Variants in SYTL3 observed in about 807,000 individuals in gnomAD.
SYTL3 encodes synaptotagmin like 3, also known as synaptotagmin-like protein 3.
Under a neutral mutation model 82.1 loss-of-function variants are expected in SYTL3, and 88 were observed. The observed-to-expected ratio is 1.07, with a 90% CI of 0.90 to 1.28. The LOEUF (loss-of-function observed/expected upper bound fraction) is 1.28. SYTL3 is among the 50% of genes most tolerant of loss of function. SYTL3 has a pLI of 0.00. For synonymous variants in SYTL3, 311 were observed against 289.4 expected (o/e 1.07, Z -0.76); for missense variants, 831 against 757.6 (o/e 1.10, Z -1.14).
intron 14 of SYTL3, among the ~76,000 whole-genome samples, chr6:158,759,183 C>T (rs1289860360): frequency 6.6e-6 from 1 of 152,174 alleles, no homozygotes; most frequent in Non-Finnish European, 1.5e-5. Flanking sequence ...CCTGCTCTGG[C>T]AAGTGGGTGA....
chr6:158,684,502 A>T (rs1438830988), intron 6 of SYTL3, among the ~76,000 whole-genome samples: 3 of 152,138 alleles, frequency 2.0e-5, no homozygotes, highest in Non-Finnish European at 4.4e-5. Flanking sequence ...GTCACGGTGG[A>T]GTGCAGGCAG....
intron 13 of SYTL3, among the ~76,000 whole-genome samples, chr6:158,756,767 A>G (rs1226854113): frequency 4.2e-5 from 2 of 47,422 alleles, no homozygotes; most frequent in African/African-American, 8.6e-5. Context: ...TGGGCCTGTT[A>G]TCATTATTTT....
intron 2 of SYTL3, among the ~76,000 whole-genome samples, chr6:158,653,346 A>G (rs986552511): frequency 1.3e-5 from 2 of 152,064 alleles, no homozygotes; most frequent in Non-Finnish European, 2.9e-5. Flanking sequence ...GTCTCTACTA[A>G]AAATACAAAA....
At chr6:158,761,464 G>T (rs1383005991) in intron 15 of SYTL3, among the ~76,000 whole-genome samples, 2 of 151,658 alleles carry the variant, frequency 1.3e-5, no homozygotes, top group Non-Finnish European at 2.9e-5. Flanking sequence ...CACCATGCCC[G>T]GCTAATTTTT....
At chr6:158,757,470 C>T in intron 14 of SYTL3, 89 bp downstream of exon 14, 1 of 1,412,020 alleles carries the variant, frequency 7.1e-7, no homozygotes, top group South Asian at 1.3e-5. Flanking sequence ...GAAAACGTAC[C>T]TGGCAAGACT....
intron 4 of SYTL3, chr6:158,663,643 C>A: frequency 1.0e-6 from 1 of 977,758 alleles, no homozygotes; most frequent in Non-Finnish European, 1.2e-6. Flanking sequence ...TGCTGTCTGC[C>A]ATCTGCTTGT....
intron 2 of SYTL3, among the ~76,000 whole-genome samples, chr6:158,654,503 C>A (rs142778154): frequency 1.5e-4 from 23 of 152,296 alleles, no homozygotes; most frequent in Middle Eastern, 3.4e-3. Flanking sequence ...TGGCTGCCCG[C>A]GTCCCTCCCA....
intron 5 of SYTL3, among the ~76,000 whole-genome samples, chr6:158,675,911 C>T (rs1376323062): frequency 6.6e-6 from 1 of 152,174 alleles, no homozygotes; most frequent in African/African-American, 2.4e-5. Context: ...GATGGCACCA[C>T]TGCACCCCAG....
rs547704788 is a variant in SYTL3, at chr6:158,735,807, C to T, written c.856-9673C>T. ...GTAAATTTTAAAAATAATAGAGCTC[C>T]GTGTTGGTAAGGTGTAGGGTAGCAG... On this transcript the variant is annotated intron_variant, in intron 11 of 17. Coordinates refer to ENST00000611299, the MANE Select transcript of SYTL3 (RefSeq NM_001242394.2). 5.3e-5 allele frequency among the ~76,000 whole-genome samples: 8 copies of T among 152,212 alleles called. No individual in the cohort carries two copies. In the East Asian group the frequency reaches 7.7e-4, roughly 15 times the overall value.
At chr6:158,762,576 T>C (rs552400805) in intron 16 of SYTL3, among the ~76,000 whole-genome samples, 1 of 152,284 alleles carries the variant, frequency 6.6e-6, no homozygotes, top group African/African-American at 2.4e-5. Context: ...CATTATTACA[T>C]TGAATTGCAA....
chr6:158,678,700 A>G (rs1312317609), intron 5 of SYTL3, among the ~76,000 whole-genome samples: 1 of 152,174 alleles, frequency 6.6e-6, no homozygotes, highest in Admixed American at 6.5e-5. Context: ...TGGCATTTGT[A>G]ATTCTAGTGA....
chr6:158,735,210 T>G (rs1465702478), intron 11 of SYTL3, among the ~76,000 whole-genome samples: 2 of 152,160 alleles, frequency 1.3e-5, no homozygotes, highest in Admixed American at 1.3e-4. Context: ...CCTTTGCTGC[T>G]TAGGGACTTT....
chr6:158,651,416 C>G (rs552415439), intron 1 of SYTL3, among the ~76,000 whole-genome samples: 1 of 151,946 alleles, frequency 6.6e-6, no homozygotes, highest in East Asian at 1.9e-4. Flanking sequence ...CATGGTGAAA[C>G]TCTACTAAAA....
intron 11 of SYTL3, among the ~76,000 whole-genome samples, chr6:158,739,576 C>G (rs1786659310): frequency 6.6e-6 from 1 of 152,028 alleles, no homozygotes; most frequent in South Asian, 2.1e-4. Flanking sequence ...CTCTATCTCT[C>G]TCTCTCTGTC....
intron 12 of SYTL3, among the ~76,000 whole-genome samples, chr6:158,748,907 A>T (rs139732313): frequency 6.1e-4 from 92 of 151,744 alleles, no homozygotes; most frequent in African/African-American, 2.0e-3. Flanking sequence ...AGACAACATG[A>T]CAGCACTTGC....
chr6:158,664,949 G>A (rs16900918), intron 4 of SYTL3, among the ~76,000 whole-genome samples: 28,698 of 151,688 alleles, frequency 0.19, 2,792 homozygotes, highest in African/African-American at 0.25. Context: ...TGATTTTATT[G>A]GGCAACTTAT....
rs1046665133 is a variant in SYTL3 at position 158,708,371 on chromosome 6, T to G, written c.496T>G (p.Cys166Gly). ...PTPPPVSESQCSRSPGRLQEF... is the reference protein window; with the variant it reads ...PTPPPVSESQGSRSPGRLQEF... ...TCCACCTCCTGTCAGCGAGAGCCAG[T>G]GCAGCCGCAGTCCTGGCAGGGTAAC... Residue 166 changes from cysteine (C) to glycine (G), a missense_variant, in exon 8 of 18, where the codon TGC (cysteine) becomes GGC (glycine). By Grantham distance (159) the Cys-to-Gly change is radical (BLOSUM62 -3). Coordinates refer to ENST00000611299, the MANE Select transcript of SYTL3 (RefSeq NM_001242394.2). 1.2e-6 allele frequency: 2 copies of G among 1,614,070 alleles called. No individual in the cohort carries two copies. Among genetic ancestry groups the G allele is most frequent in the Non-Finnish European group, 1.7e-6 (2 of 1,180,026 alleles).
chr6:158,693,352 G>T (rs1022636386), intron 6 of SYTL3, among the ~76,000 whole-genome samples: 2 of 151,940 alleles, frequency 1.3e-5, no homozygotes, highest in African/African-American at 4.8e-5. Context: ...CAAGTAGCTG[G>T]GATCACAGGC....
intron 6 of SYTL3, among the ~76,000 whole-genome samples, chr6:158,690,077 C>T (rs1291274140): frequency 6.6e-6 from 1 of 152,230 alleles, no homozygotes; most frequent in Non-Finnish European, 1.5e-5. Flanking sequence ...CTGATTGGCA[C>T]AGCGTGGGGC....
Sources: allele counts gnomAD v4.1 joint callset (sites outside exome capture counted in the v4.1 genomes callset), GRCh38; gene constraint gnomAD v4.1.1; transcripts MANE v1.5; gene names NCBI Gene and HGNC (gene_info 2026-07-23, HGNC 2026-07-21).